The following LAMA2 variants were observed in gnomAD, a reference collection of about 807,000 sequenced individuals.
LAMA2 encodes laminin subunit alpha 2.
LAMA2 carries 269 observed loss-of-function variants against 364.8 expected under a neutral mutation model. The ratio of observed to expected loss-of-function variants is 0.74; its 90% CI spans 0.67 to 0.82. LAMA2 has a LOEUF of 0.82. Among genes scored for constraint, LAMA2 ranks in the 40% least tolerant of loss-of-function variants. The pLI is 0.00. For synonymous variants in LAMA2, 1,379 were observed against 1,370.6 expected, an observed-to-expected ratio of 1.01 and a Z score of -0.14; for missense variants, 3,807 against 3,873.2, an observed-to-expected ratio of 0.98 and a Z score of 0.45.
intron 34 of LAMA2, among the ~76,000 whole-genome samples, chr6:129,370,453 A>C (rs960859400): frequency 2.6e-5 from 4 of 152,242 alleles, no homozygotes; most frequent in African/African-American, 9.6e-5. Context: ...CAAAGTGCTT[A>C]AGACACTTTT....
intron 1 of LAMA2, among the ~76,000 whole-genome samples, chr6:128,915,651 CTT>C (rs1168309834): frequency 6.6e-6 from 1 of 152,142 alleles, no homozygotes; most frequent in Non-Finnish European, 1.5e-5. Flanking sequence ...TTGGCAGTGT[CTT>C]ATATAACTAC....
At chr6:129,300,625 T>G in intron 21 of LAMA2, 111 bp from the exon 22 acceptor site, 4 of 1,062,154 alleles carry the variant, frequency 3.8e-6, no homozygotes, top group Non-Finnish European at 5.9e-6. Flanking sequence ...TATCCTTAAG[T>G]GTAGAACTGA....
At chr6:129,098,438 T>C in intron 4 of LAMA2, 23 bp downstream of exon 4, 1 of 1,613,302 alleles carries the variant, frequency 6.2e-7, no homozygotes, top group East Asian at 2.2e-5. Flanking sequence ...AACTCACCAT[T>C]TAAGCACATT....
At chr6:129,178,975 G>A (rs909199036) in intron 10 of LAMA2, among the ~76,000 whole-genome samples, 1 of 152,170 alleles carries the variant, frequency 6.6e-6, no homozygotes, top group South Asian at 2.1e-4. Context: ...TGTGGACACA[G>A]TAAGCAGAAA....
intron 1 of LAMA2, among the ~76,000 whole-genome samples, chr6:128,976,012 T>C (rs1282581314): frequency 1.3e-5 from 2 of 152,116 alleles, no homozygotes; most frequent in South Asian, 2.1e-4. Flanking sequence ...CTAACTGCAA[T>C]GTGGAAAATG....
At chr6:129,329,527 A>AT (rs1020100988) in intron 29 of LAMA2, among the ~76,000 whole-genome samples, 8 of 151,782 alleles carry the variant, frequency 5.3e-5, no homozygotes, top group East Asian at 3.9e-4. Flanking sequence ...ACACCTGGAT[A>AT]TTTTTTTTAT....
Position 129,492,298 on chromosome 6 carries a change from T to C in LAMA2, c.8076-17T>C, listed in dbSNP as rs1784910190. ...AAAAACGAAAATAAAAAAATCTTAT[T>C]TATTACATTCTATTAGCCCCATGGA... On this transcript the variant is annotated splice_polypyrimidine_tract_variant and intron_variant, in intron 57 of 64. Transcript: ENST00000421865. 1.9e-6 allele frequency: 3 copies of C among 1,611,972 alleles called. No homozygotes were observed. Among genetic ancestry groups the C allele is most frequent in the African/African-American group, 1.3e-5 (1 of 74,850 alleles).
intron 17 of LAMA2, among the ~76,000 whole-genome samples, chr6:129,274,599 G>A (rs1000584310): frequency 6.7e-6 from 1 of 148,394 alleles, no homozygotes; most frequent in East Asian, 1.9e-4. Context: ...TAAGAAGATA[G>A]AGATAGATTG....
rs1788616204 is a variant in LAMA2 at position 129,280,078 on chromosome 6, A to T, written c.2468A>T (p.His823Leu). The change falls in exon 18 of 65, where the codon CAT (histidine) becomes CTT (leucine). Residue 823 changes from histidine to leucine, a missense_variant. Transcript: ENST00000421865. ...CAACATAGCTTTAGCCCAACGTGCC[A>T]TTTAGACCGGAGTCTTGGATTGATC... is the stretch of plus-strand genomic sequence containing the variant. ...IPSNNFSPTC[H>L]LDRSLGLICD... 6 of 1,613,244 alleles carry T rather than the reference A, an allele frequency of 3.7e-6. No homozygotes were observed. Among genetic ancestry groups the T allele is most frequent in the South Asian group, 1.1e-5 (1 of 91,076 alleles).
intron 40 of LAMA2, among the ~76,000 whole-genome samples, chr6:129,412,441 A>G (rs997148373): frequency 1.3e-5 from 2 of 152,162 alleles, no homozygotes; most frequent in African/African-American, 4.8e-5. Flanking sequence ...AGCCTAGCCA[A>G]GTGGATATAA....
At chr6:129,279,372 C>T (rs567405706) in intron 17 of LAMA2, among the ~76,000 whole-genome samples, 6 of 152,130 alleles carry the variant, frequency 3.9e-5, no homozygotes, top group Non-Finnish European at 8.8e-5. Context: ...GTGTTCAGCT[C>T]TATTGCTTCA....
chr6:129,514,296 G>C (rs1366015647), intron 63 of LAMA2, 77 bp from the exon 64 acceptor site: 1 of 1,048,802 alleles, frequency 9.5e-7, no homozygotes, highest in Middle Eastern at 2.0e-4. Context: ...CTAGAGACCT[G>C]ATCATTTGTA....
At chr6:129,306,454 T>A (rs181325415) in intron 22 of LAMA2, among the ~76,000 whole-genome samples, 13 of 151,692 alleles carry the variant, frequency 8.6e-5, no homozygotes, top group Non-Finnish European at 1.9e-4. Flanking sequence ...TAATAATTAT[T>A]TTTTCATGGG....
At chr6:129,481,777 C>T (rs1280201412) in intron 55 of LAMA2, among the ~76,000 whole-genome samples, 2 of 152,170 alleles carry the variant, frequency 1.3e-5, no homozygotes, top group Admixed American at 1.3e-4. Context: ...AAGTCCGACT[C>T]CTTACCAAAT....
chr6:129,157,887 A>C (rs1779216015), intron 8 of LAMA2: 1 of 1,614,234 alleles, frequency 6.2e-7, no homozygotes, highest in East Asian at 2.2e-5. Context: ...TTCGTCCAGC[A>C]CTTCTGGAGC....
chr6:129,247,866 T>A (rs542571565), intron 12 of LAMA2, among the ~76,000 whole-genome samples: 1 of 152,338 alleles, frequency 6.6e-6, no homozygotes, highest in South Asian at 2.1e-4. Context: ...GTTCATGTTT[T>A]ATATTATCGC....
intron 4 of LAMA2, among the ~76,000 whole-genome samples, chr6:129,117,428 CA>C (rs1343890350): frequency 2.7e-4 from 41 of 152,084 alleles, no homozygotes; most frequent in Admixed American, 1.8e-3. Context: ...TGAAGGAGTA[CA>C]GGGGATGGGC....
chr6:129,419,285 T>C (rs954574279), intron 40 of LAMA2, among the ~76,000 whole-genome samples: 4 of 152,156 alleles, frequency 2.6e-5, no homozygotes, highest in African/African-American at 9.7e-5. Context: ...ACAATAATGC[T>C]CTTGGTGCCA....
In LAMA2 at chr6:129,432,291, C is replaced by G. The variant is rs150927637; in HGVS notation, c.5968+4437C>G. On this transcript the variant is annotated intron_variant, in intron 41 of 64. Coordinates refer to ENST00000421865, the MANE Select transcript of LAMA2 (RefSeq NM_000426.4). ...AAAAAATAAAACCAGGGTGGACTTCCATTAGAGAAAAAACAATAAGTGGCA... is the reference window on the plus strand; with the variant it reads ...AAAAAATAAAACCAGGGTGGACTTCGATTAGAGAAAAAACAATAAGTGGCA... Among the ~76,000 whole-genome samples the G allele has an allele frequency of 6.0e-3, 917 of 152,182 alleles. 8 individuals are homozygous for G. The highest frequency in any genetic ancestry group is 0.02 in the African/African-American group (819 of 41,502).
Sources: gnomAD v4.1 joint callset for allele counts (sites outside exome capture counted in the v4.1 genomes callset) on GRCh38, gnomAD v4.1.1 for gene constraint, MANE v1.5 for transcripts, NCBI Gene and HGNC (gene_info 2026-07-23, HGNC 2026-07-21) for gene names.